The following DIXDC1 variants were observed in gnomAD, a reference collection of about 807,000 sequenced individuals.
The protein encoded by DIXDC1 is DIX domain containing 1.
Under a neutral mutation model 103.1 loss-of-function variants are expected in DIXDC1, and 64 were observed. The ratio of observed to expected loss-of-function variants is 0.62; its 90% confidence interval spans 0.51 to 0.76. DIXDC1 has a LOEUF of 0.76. Among genes scored for constraint, DIXDC1 ranks in the 30% least tolerant of loss-of-function variants. The probability of loss-of-function intolerance (pLI) is 0.00; values close to 1 mark genes in which losing one functional copy is unlikely to be tolerated. For synonymous variants in DIXDC1, 266 were observed against 298.5 expected (o/e 0.89, Z 1.12); for missense variants, 759 against 834.2 (o/e 0.91, Z 1.11).
chr11:111,978,528 C>T (rs891315129), intron 5 of DIXDC1, among the ~76,000 whole-genome samples: 1 of 152,142 alleles, frequency 6.6e-6, no homozygotes, highest in Non-Finnish European at 1.5e-5. Context: ...TGTTGTTTTC[C>T]TTTGGCTGCT....
chr11:111,993,663 T>A lies in DIXDC1; in HGVS notation c.1366-6T>A. The A allele has an allele frequency of 3.7e-6, 6 of 1,614,052 alleles. No individual in the cohort carries two copies. The South Asian group carries it at 4.4e-5, about 12-fold the overall frequency. On this transcript the variant is annotated splice_polypyrimidine_tract_variant and splice_region_variant and intron_variant, in intron 13 of 19. Transcript: ENST00000440460. ...ATCATTTTCTGATTTAGTGTCTATT[T>A]TGCAGGTGGATCTAGAGCGAGAGCT...
In DIXDC1 at chr11:111,942,244, T is replaced by C. The variant is rs587629311; in HGVS notation, c.60+4685T>C. 3.9e-5 allele frequency among the ~76,000 whole-genome samples: 6 copies of C among 152,310 alleles called. No homozygotes were observed. In the South Asian group the frequency reaches 1.2e-3, roughly 32 times the overall value. On this transcript the variant is annotated intron_variant, in intron 1 of 19. Transcript: ENST00000440460. ...CTATCAGGCAGCTTTATGTTCCTCGTGGTGAGTGATGAGTTGGCCAGGCAT... is the reference window on the plus strand; with the variant it reads ...CTATCAGGCAGCTTTATGTTCCTCGCGGTGAGTGATGAGTTGGCCAGGCAT...
chr11:111,997,808 T>G (rs1331919784), intron 17 of DIXDC1, among the ~76,000 whole-genome samples: 1 of 152,226 alleles, frequency 6.6e-6, no homozygotes, highest in African/African-American at 2.4e-5. Flanking sequence ...GCTTGAAAAC[T>G]AAGATGTTAA....
intron 17 of DIXDC1, among the ~76,000 whole-genome samples, chr11:112,014,592 T>A (rs993670653): frequency 1.3e-5 from 2 of 152,228 alleles, no homozygotes; most frequent in African/African-American, 2.4e-5. Flanking sequence ...AGTCTTCCAA[T>A]ACAGCTTGTA....
intron 3 of DIXDC1, among the ~76,000 whole-genome samples, chr11:111,972,073 C>T (rs1592580732): frequency 6.6e-6 from 1 of 152,042 alleles, no homozygotes. Flanking sequence ...CAGCATCACA[C>T]AATATACCTT....
At position 112,020,572 on chromosome 11, in the gene DIXDC1, T is replaced by C. The variant is rs1366772540; in HGVS notation, c.*1536T>C. The stretch of plus-strand genomic sequence containing the variant: ...CTGTATCTTCTCACATTCTGTATAC[T>C]GTATCCATTTTCTAGAGAACCCAGT... On this transcript the variant is annotated 3_prime_UTR_variant, in exon 20 of 20. Coordinates refer to ENST00000440460, the MANE Select transcript of DIXDC1 (RefSeq NM_001037954.4). 6.6e-6 allele frequency: 1 copy of C among 152,262 alleles called. No homozygotes were observed. Among genetic ancestry groups the C allele is most frequent in the East Asian group, 1.9e-4 (1 of 5,206 alleles). The allele number at this position is 152,262 out of a possible 1,614,324, so 9.4% of individuals were successfully genotyped here. A position where few individuals can be genotyped will look rare whatever the true frequency, so the allele number is the denominator to read the frequency against.
chr11:112,003,735 T>C (rs893253934), intron 17 of DIXDC1, among the ~76,000 whole-genome samples: 1 of 151,328 alleles, frequency 6.6e-6, no homozygotes, highest in Non-Finnish European at 1.5e-5. Flanking sequence ...GAGGTGGAGG[T>C]TGCGGTGAGC....
intron 6 of DIXDC1, 100 bp downstream of exon 6, chr11:111,980,949 C>A (rs1226820183): frequency 4.3e-6 from 4 of 936,868 alleles, no homozygotes; most frequent in Non-Finnish European, 6.6e-6. Context: ...TCCCCATCTC[C>A]ATGGTCTGTG....
chr11:111,936,723 CCTCACTGT>C (rs1555168123), upstream of DIXDC1, among the ~76,000 whole-genome samples: 1 of 152,120 alleles, frequency 6.6e-6, no homozygotes, highest in Admixed American at 6.5e-5. Flanking sequence ...TTTAGCTTGA[CCTCACTGT>C]CCAGGGCCCA....
intron 1 of DIXDC1, among the ~76,000 whole-genome samples, chr11:111,955,680 C>T (rs1471851441): frequency 6.6e-6 from 1 of 151,068 alleles, no homozygotes; most frequent in African/African-American, 2.4e-5. Context: ...ACTAAAAATA[C>T]AAAAATTAGC....
rs1555178379 is a variant in DIXDC1, at chr11:112,020,956, C to T, written c.*1920C>T. 6.6e-6 allele frequency: 1 copy of T among 152,212 alleles called. No individual in the cohort carries two copies. The highest frequency in any genetic ancestry group is 2.4e-5 in the African/African-American group (1 of 41,450). The allele number at this position is 152,212 out of a possible 1,614,324, so 9.4% of individuals were successfully genotyped here. On this transcript the variant is annotated 3_prime_UTR_variant, in exon 20 of 20. Coordinates refer to ENST00000440460, the MANE Select transcript of DIXDC1 (RefSeq NM_001037954.4). ...GTCTGGAGAAAAAGTCCTCATGTCA[C>T]CAATTTCTCTGTTGCATGAATTTTA...
chr11:111,989,879 C>T (rs1860639787), intron 10 of DIXDC1, among the ~76,000 whole-genome samples: 1 of 150,296 alleles, frequency 6.7e-6, no homozygotes, highest in African/African-American at 2.5e-5. Context: ...AGCTCTGCCT[C>T]CTGGGTTCAT....
intron 8 of DIXDC1, 62 bp downstream of exon 8, chr11:111,985,383 T>G: frequency 2.3e-6 from 3 of 1,322,380 alleles, no homozygotes; most frequent in Non-Finnish European, 2.1e-6. Context: ...TATTTAGCAT[T>G]TGACACTGCT....
chr11:112,007,323 A>C (rs759347716), intron 17 of DIXDC1, among the ~76,000 whole-genome samples: 1 of 152,226 alleles, frequency 6.6e-6, no homozygotes, highest in Admixed American at 6.5e-5. Context: ...GACCAAATCT[A>C]CGTTTGATTG....
chr11:112,011,426 C>T (rs1305347616), intron 17 of DIXDC1, among the ~76,000 whole-genome samples: 1 of 152,136 alleles, frequency 6.6e-6, no homozygotes, highest in African/African-American at 2.4e-5. Flanking sequence ...CTAGAAATAC[C>T]ATTTGACCCA....
At chr11:111,952,306 T>C (rs782413483) in intron 1 of DIXDC1, among the ~76,000 whole-genome samples, 1 of 152,168 alleles carries the variant, frequency 6.6e-6, no homozygotes, top group Non-Finnish European at 1.5e-5. Flanking sequence ...TTTAATACAA[T>C]CCCAGTAAAA....
At chr11:111,988,933 C>A in intron 9 of DIXDC1, 72 bp from the exon 10 acceptor site, 1 of 1,342,752 alleles carries the variant, frequency 7.4e-7, no homozygotes, top group African/African-American at 1.5e-5. Context: ...GTCCTCTTGC[C>A]GACAGAATGA....
intron 1 of DIXDC1, among the ~76,000 whole-genome samples, chr11:111,953,348 T>A (rs1443656863): frequency 6.6e-6 from 1 of 152,026 alleles, no homozygotes; most frequent in East Asian, 1.9e-4. Context: ...ATAATTAAAA[T>A]CAACCAGGCC....
chr11:111,994,535 GTGTATA>G (rs1383292624), intron 14 of DIXDC1, among the ~76,000 whole-genome samples: 5 of 150,268 alleles, frequency 3.3e-5, no homozygotes, highest in African/African-American at 9.8e-5. Flanking sequence ...ATGTATATGT[GTGTATA>G]TGTATATGTA....
Sources: gnomAD v4.1 joint callset for allele counts (sites outside exome capture counted in the v4.1 genomes callset) on GRCh38, gnomAD v4.1.1 for gene constraint, MANE v1.5 for transcripts, NCBI Gene and HGNC (gene_info 2026-07-23, HGNC 2026-07-21) for gene names.